NT5DC3: variants seen among roughly 807,000 people sequenced by gnomAD.
NT5DC3 encodes the protein 5'-nucleotidase domain-containing protein 3.
NT5DC3 carries 42 observed loss-of-function variants against 67.8 expected under a neutral mutation model. The ratio of observed to expected loss-of-function variants is 0.62; its 90% CI spans 0.48 to 0.80. NT5DC3 has a LOEUF of 0.80. Among genes scored for constraint, NT5DC3 ranks in the 30% least tolerant of loss-of-function variants. The probability of loss-of-function intolerance (pLI) is 0.00; values close to 1 mark genes in which losing one functional copy is unlikely to be tolerated. For missense variants in NT5DC3, 570 were observed against 696.4 expected (o/e 0.82, Z 2.04); for synonymous variants, 237 against 255.6 (o/e 0.93, Z 0.69).
chr12:103,789,733 A>G (rs971569314), intron 9 of NT5DC3, among the ~76,000 whole-genome samples: 1 of 152,240 alleles, frequency 6.6e-6, no homozygotes, highest in Non-Finnish European at 1.5e-5. Context: ...TTGGGAAGTA[A>G]GGATAATGCC....
chr12:103,825,079 C>CG (rs1378439150), intron 1 of NT5DC3, among the ~76,000 whole-genome samples: 1 of 152,142 alleles, frequency 6.6e-6, no homozygotes, highest in Non-Finnish European at 1.5e-5. Flanking sequence ...GGGCATGCCC[C>CG]CCCGGGAAGA....
At chr12:103,828,785 G>A (rs1887804808) in intron 1 of NT5DC3, among the ~76,000 whole-genome samples, 1 of 148,008 alleles carries the variant, frequency 6.8e-6, no homozygotes, top group Non-Finnish European at 1.5e-5. Context: ...GCAACACTCT[G>A]CCACACAGTT....
chr12:103,808,420 G>T (rs1395383187), intron 2 of NT5DC3, among the ~76,000 whole-genome samples: 3 of 152,170 alleles, frequency 2.0e-5, no homozygotes, highest in African/African-American at 2.4e-5. Context: ...TTAAAACCCA[G>T]ACAACTATTA....
the NT5DC3 span, among the ~76,000 whole-genome samples, chr12:103,753,846 A>G: frequency 1.3e-5 from 2 of 152,186 alleles, no homozygotes; most frequent in Admixed American, 1.3e-4. Context: ...CGAACCCACA[A>G]AACAGTGGAG....
downstream of NT5DC3, among the ~76,000 whole-genome samples, chr12:103,769,728 G>A (rs1250982418): frequency 6.6e-6 from 1 of 152,232 alleles, no homozygotes; most frequent in Non-Finnish European, 1.5e-5. Flanking sequence ...TATGGACTGA[G>A]CCTCTACCCA....
rs1250899746 is a variant in NT5DC3, at chr12:103,785,399, G to A, written c.1265C>T (p.Thr422Met). 4 of 1,613,866 alleles carry A rather than the reference G, an allele frequency of 2.5e-6. No individual in the cohort carries two copies. In the South Asian group the frequency reaches 3.3e-5, roughly 13 times the overall value. ...GGTCATGGTTTGAATGTATTGCTCCGTGTTCATGATTTTGAGCTCAGATCT... is the reference window on the plus strand; with the variant it reads ...GGTCATGGTTTGAATGTATTGCTCCATGTTCATGATTTTGAGCTCAGATCT... Reference protein sequence around the residue: ...ELRSELKIMNTEQYIQTMTWL... With the variant: ...ELRSELKIMNMEQYIQTMTWL... The change falls in exon 12 of 14, where the codon ACG becomes ATG. Residue 422 changes from threonine (T) to methionine (M), a missense_variant. Physicochemically the swap from Thr to Met is moderately conservative, Grantham distance 81 (BLOSUM62 -1). Around this residue, in one of 2 missense-constraint regions of NT5DC3, gnomAD observed 466 missense variants for 608.0 expected, o/e 0.77. Transcript: ENST00000392876.
At chr12:103,824,259 T>A (rs540795104) in intron 1 of NT5DC3, among the ~76,000 whole-genome samples, 2 of 152,326 alleles carry the variant, frequency 1.3e-5, no homozygotes, top group South Asian at 4.1e-4. Flanking sequence ...TAAAGAGATT[T>A]AAATTTTTAC....
At chr12:103,759,055 T>C in the NT5DC3 span, 7 of 1,610,700 alleles carry the variant, frequency 4.3e-6, no homozygotes. Context: ...AGCAATTTTC[T>C]TCGTCATCCC....
intron 1 of NT5DC3, among the ~76,000 whole-genome samples, chr12:103,816,124 A>T (rs1305876407): frequency 6.6e-6 from 1 of 152,248 alleles, no homozygotes; most frequent in African/African-American, 2.4e-5. Context: ...ACTTTCATAT[A>T]TATTGGTGTG....
rs914265626 is a variant in NT5DC3, at chr12:103,798,696, G to T, written c.525-19C>A. On this transcript the variant is annotated intron_variant, in intron 4 of 13. Transcript: ENST00000392876. ...GAGGCCTCTGGAAAAACCAGATGGT[G>T]CAGTTAAAGAGCTCAACTAGAGAAA... The T allele has an allele frequency of 1.9e-6, 3 of 1,557,144 alleles. No individual in the cohort carries two copies. Among genetic ancestry groups the T allele is most frequent in the East Asian group, 4.5e-5 (2 of 44,630 alleles).
intron 1 of NT5DC3, among the ~76,000 whole-genome samples, chr12:103,829,654 T>C (rs1042281613): frequency 1.3e-5 from 2 of 152,220 alleles, no homozygotes; most frequent in Non-Finnish European, 2.9e-5. Flanking sequence ...TCACATTCTA[T>C]GCTATTTCTT....
intron 1 of NT5DC3, among the ~76,000 whole-genome samples, chr12:103,822,927 T>C (rs1004329640): frequency 2.6e-5 from 4 of 152,198 alleles, no homozygotes; most frequent in Admixed American, 6.5e-5. Flanking sequence ...CATGCTCCAT[T>C]TGGAGGCCCA....
chr12:103,781,216 A>G (rs529878181), intron 12 of NT5DC3, among the ~76,000 whole-genome samples: 60 of 152,370 alleles, frequency 3.9e-4, no homozygotes, highest in African/African-American at 1.3e-3. Flanking sequence ...CCTGCAATTC[A>G]TGACCACAGG....
At chr12:103,768,209 T>C (rs1566091740), downstream of NT5DC3, among the ~76,000 whole-genome samples, 1 of 150,680 alleles carries the variant, frequency 6.6e-6, no homozygotes, top group African/African-American at 2.4e-5. Flanking sequence ...CCCAGGCAGG[T>C]GAATCACCTG....
At chr12:103,753,120 T>G in the NT5DC3 span, 6 of 1,474,530 alleles carry the variant, frequency 4.1e-6, no homozygotes. Flanking sequence ...CACCCTGGGG[T>G]ATAGCTGGCC....
intron 12 of NT5DC3, among the ~76,000 whole-genome samples, chr12:103,784,747 G>A (rs1018328673): frequency 2.0e-5 from 3 of 152,172 alleles, no homozygotes; most frequent in African/African-American, 7.2e-5. Context: ...GCCAGGAAAC[G>A]ACTGATAAAA....
chr12:103,815,622 G>C (rs996170107), intron 1 of NT5DC3, among the ~76,000 whole-genome samples: 1 of 151,912 alleles, frequency 6.6e-6, no homozygotes, highest in African/African-American at 2.4e-5. Context: ...GGGTCTCCCT[G>C]TGTTGCCAAG....
chr12:103,809,404 C>A (rs1464795046), intron 2 of NT5DC3, among the ~76,000 whole-genome samples: 1 of 152,194 alleles, frequency 6.6e-6, no homozygotes, highest in Non-Finnish European at 1.5e-5. Flanking sequence ...GGGAGCCACT[C>A]CTGAGAAATA....
At chr12:103,758,273 G>A in the NT5DC3 span, 7 of 1,613,782 alleles carry the variant, frequency 4.3e-6, no homozygotes, top group East Asian at 1.3e-4. Flanking sequence ...CAGAACAGTG[G>A]GCTGGGGGAG....
Sources: gnomAD v4.1 joint callset for allele counts (sites outside exome capture counted in the v4.1 genomes callset) on GRCh38, gnomAD v4.1.1 for gene constraint, gnomAD v4.1.1 regional missense constraint, MANE v1.5 for transcripts, NCBI Gene and HGNC (gene_info 2026-07-23, HGNC 2026-07-21) for gene names.